Variants in RANBP2 observed in about 807,000 individuals in gnomAD.
RANBP2 encodes E3 SUMO-protein ligase RanBP2.
RANBP2 carries 57 observed loss-of-function variants against 303.6 expected under a neutral mutation model. The ratio of observed to expected loss-of-function variants is 0.19; its 90% CI spans 0.15 to 0.23. RANBP2 has a LOEUF of 0.23. RANBP2 is among the 10% of genes least tolerant of loss of function. The probability of loss-of-function intolerance (pLI) is 1.00; values close to 1 mark genes in which losing one functional copy is unlikely to be tolerated. For missense variants in RANBP2, 3,138 were observed against 3,780.8 expected (o/e 0.83, Z 4.46); for synonymous variants, 1,167 against 1,301.5 (o/e 0.90, Z 2.23).
chr2:109,506,344 C>G, the RANBP2 span, among the ~76,000 whole-genome samples: 1 of 152,222 alleles, frequency 6.6e-6, no homozygotes, highest in Non-Finnish European at 1.5e-5. Flanking sequence ...CTGGGAGCTG[C>G]AGGGTGAGCC....
chr2:109,480,908 G>A, the RANBP2 span, among the ~76,000 whole-genome samples: 2 of 152,202 alleles, frequency 1.3e-5, no homozygotes, highest in East Asian at 3.9e-4. Flanking sequence ...TGTCTTAAAA[G>A]AATGTCTAGA....
chr2:108,850,443 T>TTTTTG, the RANBP2 span, among the ~76,000 whole-genome samples: 36 of 152,134 alleles, frequency 2.4e-4, no homozygotes, highest in Non-Finnish European at 4.3e-4. Context: ...TGGCGAGTTT[T>TTTTTG]TTTTGTTTTG....
chr2:109,416,670 A>T, the RANBP2 span, among the ~76,000 whole-genome samples: 1 of 151,922 alleles, frequency 6.6e-6, no homozygotes, highest in East Asian at 2.0e-4. Flanking sequence ...GGTGTGAGCC[A>T]CTGCACTGGA....
the RANBP2 span, among the ~76,000 whole-genome samples, chr2:109,291,545 C>G: frequency 6.6e-6 from 1 of 152,196 alleles, no homozygotes; most frequent in Non-Finnish European, 1.5e-5. Context: ...ATGTCTGCAG[C>G]CGGCGATGCC....
chr2:108,724,212 G>C (rs928020094), intron 1 of RANBP2, among the ~76,000 whole-genome samples: 1 of 152,138 alleles, frequency 6.6e-6, no homozygotes, highest in Non-Finnish European at 1.5e-5. Flanking sequence ...GCCCAGGCTG[G>C]AGTGCAGTGG....
At chr2:108,834,210 T>C in the RANBP2 span, among the ~76,000 whole-genome samples, 1 of 150,112 alleles carries the variant, frequency 6.7e-6, no homozygotes, top group African/African-American at 2.5e-5. Flanking sequence ...ATTTCATCTT[T>C]GAAATTTTTT....
At chr2:109,089,186 C>G in the RANBP2 span, among the ~76,000 whole-genome samples, 1 of 152,048 alleles carries the variant, frequency 6.6e-6, no homozygotes, top group Admixed American at 6.5e-5. Context: ...GGGGAGGGAA[C>G]CAGCAATTCC....
At chr2:109,021,740 G>A in the RANBP2 span, among the ~76,000 whole-genome samples, 1 of 152,076 alleles carries the variant, frequency 6.6e-6, no homozygotes, top group Admixed American at 6.5e-5. Flanking sequence ...GGGCCACAGG[G>A]TGTGGAGGGA....
the RANBP2 span, among the ~76,000 whole-genome samples, chr2:109,599,163 G>T: frequency 6.6e-6 from 1 of 151,668 alleles, no homozygotes. Context: ...AGAAAAAAAA[G>T]AACTCAAGTG....
the RANBP2 span, among the ~76,000 whole-genome samples, chr2:108,890,232 CTTTT>C: frequency 7.4e-4 from 85 of 114,700 alleles, no homozygotes; most frequent in African/African-American, 2.7e-3. Flanking sequence ...ATGGGGTTTT[CTTTT>C]TTTTTTTTTT....
At chr2:109,341,899 A>G in the RANBP2 span, among the ~76,000 whole-genome samples, 78 of 152,326 alleles carry the variant, frequency 5.1e-4, no homozygotes, top group African/African-American at 1.7e-3. Flanking sequence ...GCTTGATCTC[A>G]GTTGAAATTT....
the RANBP2 span, among the ~76,000 whole-genome samples, chr2:109,524,474 A>G: frequency 0.032 from 4,601 of 141,940 alleles, 328 homozygotes; most frequent in African/African-American, 0.12. Flanking sequence ...AAACAAAACA[A>G]CACTGGGCGC....
intron 6 of RANBP2, among the ~76,000 whole-genome samples, chr2:108,737,769 T>A (rs1384126221): frequency 2.7e-5 from 4 of 145,536 alleles, no homozygotes; most frequent in African/African-American, 7.7e-5. Context: ...GCTGGAGTAC[T>A]GTGGGGCAAT....
At chr2:109,131,516 G>A in the RANBP2 span, among the ~76,000 whole-genome samples, 2 of 152,178 alleles carry the variant, frequency 1.3e-5, no homozygotes, top group East Asian at 1.9e-4. Context: ...TCGGAGCCCC[G>A]CTTCTAGTAA....
At chr2:109,495,780 T>C in the RANBP2 span, among the ~76,000 whole-genome samples, 1 of 152,192 alleles carries the variant, frequency 6.6e-6, no homozygotes, top group Non-Finnish European at 1.5e-5. Flanking sequence ...CGTGAGCCAC[T>C]GCACCTGGCC....
the RANBP2 span, among the ~76,000 whole-genome samples, chr2:109,275,274 T>C: frequency 6.6e-6 from 1 of 152,080 alleles, no homozygotes; most frequent in African/African-American, 2.4e-5. Flanking sequence ...TCTCTTGTGA[T>C]CCAGAGAAGT....
chr2:109,261,951 C>A, the RANBP2 span, among the ~76,000 whole-genome samples: 1 of 152,066 alleles, frequency 6.6e-6, no homozygotes, highest in Non-Finnish European at 1.5e-5. Context: ...GGATGTGTAG[C>A]ATTCCACTTC....
the RANBP2 span, among the ~76,000 whole-genome samples, chr2:109,522,323 C>T: frequency 4.0e-5 from 6 of 150,662 alleles, no homozygotes; most frequent in Non-Finnish European, 8.9e-5. Context: ...CGAAGTCTCG[C>T]TCTTGTCCCC....
intron 26 of RANBP2, among the ~76,000 whole-genome samples, chr2:108,781,704 C>G (rs989620088): frequency 6.6e-6 from 1 of 151,936 alleles, no homozygotes; most frequent in African/African-American, 2.4e-5. Context: ...TAACATGATT[C>G]TGGGGAAAAA....
Sources: gnomAD v4.1 joint callset for allele counts (sites outside exome capture counted in the v4.1 genomes callset) on GRCh38, gnomAD v4.1.1 for gene constraint, MANE v1.5 for transcripts, NCBI Gene and HGNC (gene_info 2026-07-23, HGNC 2026-07-21) for gene names.